Variants in PCNX2 observed in about 807,000 individuals in gnomAD.
PCNX2 encodes the protein pecanex 2.
A neutral mutation model predicts 223.8 loss-of-function variants in PCNX2; 168 were observed. The ratio of observed to expected loss-of-function variants is 0.75; its 90% confidence interval spans 0.66 to 0.85. The LOEUF is 0.85. Ranked by LOEUF, PCNX2 falls within the 40% of genes least tolerant of loss-of-function variation. The probability of loss-of-function intolerance (pLI) is 0.00; values close to 1 mark genes in which losing one functional copy is unlikely to be tolerated. For synonymous variants in PCNX2, 1,006 were observed against 1,052.6 expected (o/e 0.96, Z 0.86); for missense variants, 2,507 against 2,675.5 (o/e 0.94, Z 1.39).
chr1:233,192,782 G>A (rs1277881427), intron 15 of PCNX2, among the ~76,000 whole-genome samples: 2 of 151,580 alleles, frequency 1.3e-5, no homozygotes, highest in Non-Finnish European at 2.9e-5. Flanking sequence ...TGTAAAATTA[G>A]GATAATAGTA....
chr1:233,148,389 G>A (rs1313869312), intron 19 of PCNX2, among the ~76,000 whole-genome samples: 2 of 151,724 alleles, frequency 1.3e-5, no homozygotes, highest in South Asian at 2.1e-4. Flanking sequence ...TTCCATTAAC[G>A]CTGCATATTG....
In PCNX2 at chr1:233,183,797, G is replaced by A. The variant is rs558249128; in HGVS notation, c.3067-4622C>T. ...GAGCTGCTCACAGAGCACACGAGGGGCTACACAGCAGGAAGCAGAAGCTCA... is the reference window on the plus strand; with the variant it reads ...GAGCTGCTCACAGAGCACACGAGGGACTACACAGCAGGAAGCAGAAGCTCA... On this transcript the variant is annotated intron_variant, in intron 15 of 33. Transcript: ENST00000258229. Among the ~76,000 whole-genome samples the A allele has an allele frequency of 1.4e-3, 218 of 152,236 alleles. 1 individual carries two copies. Among genetic ancestry groups the A allele is most frequent in the Middle Eastern group, 0.01 (3 of 294 alleles).
the PCNX2 span, among the ~76,000 whole-genome samples, chr1:233,322,312 A>G: frequency 6.6e-6 from 1 of 152,162 alleles, no homozygotes; most frequent in African/African-American, 2.4e-5. Flanking sequence ...GAAAGAGCAG[A>G]TGTGGTTACA....
At chr1:233,268,200 C>A (rs1409823160) in intron 1 of PCNX2, among the ~76,000 whole-genome samples, 1 of 152,230 alleles carries the variant, frequency 6.6e-6, no homozygotes, top group Non-Finnish European at 1.5e-5. Flanking sequence ...GCTTGAGCCA[C>A]CGCGCCTGGT....
chr1:233,080,483 A>G (rs920899418), intron 23 of PCNX2, among the ~76,000 whole-genome samples: 5 of 151,892 alleles, frequency 3.3e-5, no homozygotes, highest in African/African-American at 1.2e-4. Context: ...AATACCATAA[A>G]CCAGGTGGCT....
At chr1:233,238,126 A>G (rs1362405547) in intron 8 of PCNX2, among the ~76,000 whole-genome samples, 1 of 152,200 alleles carries the variant, frequency 6.6e-6, no homozygotes, top group African/African-American at 2.4e-5. Flanking sequence ...CCTTGAACAG[A>G]TCATACCTTT....
At chr1:233,321,652 T>A in the PCNX2 span, among the ~76,000 whole-genome samples, 1 of 152,208 alleles carries the variant, frequency 6.6e-6, no homozygotes. Flanking sequence ...ATGCTTTATA[T>A]GCATTTCTCA....
intron 21 of PCNX2, among the ~76,000 whole-genome samples, chr1:233,105,910 CA>C (rs1285977279): frequency 6.6e-6 from 1 of 152,150 alleles, no homozygotes; most frequent in Non-Finnish European, 1.5e-5. Context: ...GCACAAAACT[CA>C]AAGGTCTCCT....
intron 17 of PCNX2, among the ~76,000 whole-genome samples, chr1:233,161,969 TATATATTTATATATAC>T (rs1258448871): frequency 8.1e-5 from 12 of 148,078 alleles, no homozygotes; most frequent in East Asian, 1.9e-4. Flanking sequence ...TTTATATATA[TATATATTTATATATAC>T]ATATATTTAT....
At chr1:233,175,362 G>A (rs1395636194) in intron 17 of PCNX2, among the ~76,000 whole-genome samples, 1 of 152,148 alleles carries the variant, frequency 6.6e-6, no homozygotes, top group Non-Finnish European at 1.5e-5. Flanking sequence ...AACCAAGGGA[G>A]GCAACACCTA....
At chr1:233,231,537 A>T in intron 9 of PCNX2, 1 of 733,936 alleles carries the variant, frequency 1.4e-6, no homozygotes, top group Non-Finnish European at 1.7e-6. Flanking sequence ...AGATGGTTTT[A>T]AATTATTGGC....
chr1:233,219,745 C>G (rs969839653), intron 10 of PCNX2, among the ~76,000 whole-genome samples: 1 of 152,146 alleles, frequency 6.6e-6, no homozygotes, highest in Non-Finnish European at 1.5e-5. Flanking sequence ...CAGCCTCCCC[C>G]ACCATCAACA....
rs578029192 is a variant in PCNX2 at position 232,989,504 on chromosome 1, A to G, written c.5792-2964T>C. On this transcript the variant is annotated intron_variant, in intron 32 of 33. Transcript: ENST00000258229. ...TGCTACTTGGCTAAGGGTCTCTGTC[A>G]TGCCCTTCCCAGAGAGGCAGGTCCT... 2.0e-4 allele frequency among the ~76,000 whole-genome samples: 30 copies of G among 151,598 alleles called. 1 individual carries two copies. Among genetic ancestry groups the G allele is most frequent in the Non-Finnish European group, 4.4e-4 (30 of 67,946 alleles).
chr1:233,320,545 T>C, the PCNX2 span, among the ~76,000 whole-genome samples: 1 of 152,184 alleles, frequency 6.6e-6, no homozygotes, highest in East Asian at 1.9e-4. Context: ...ACTAATCTTT[T>C]CTAAGGCAGA....
At chr1:233,054,687 A>G in intron 24 of PCNX2, 1 of 533,150 alleles carries the variant, frequency 1.9e-6, no homozygotes. Context: ...TGTGTAATTT[A>G]TAGGCCATAA....
chr1:233,252,622 T>G lies in PCNX2; in HGVS notation c.1982+19A>C. Reference sequence around the variant, plus strand: ...TGCTTTATGACCAAGTGAAACTAAATTAAGTAACTTATCCTTACAAGGCTG... The same window carrying G: ...TGCTTTATGACCAAGTGAAACTAAAGTAAGTAACTTATCCTTACAAGGCTG... On this transcript the variant is annotated intron_variant, in intron 6 of 33. Transcript: ENST00000258229. 1.9e-6 allele frequency: 3 copies of G among 1,602,904 alleles called. No homozygotes were observed. The South Asian group carries it at 3.4e-5, about 18-fold the overall frequency.
intron 22 of PCNX2, chr1:233,095,517 G>A: frequency 1.9e-6 from 1 of 524,346 alleles, no homozygotes; most frequent in Non-Finnish European, 3.4e-6. Flanking sequence ...GAAATGGAAG[G>A]ACCAGAAAAA....
chr1:233,225,109 G>GTA (rs1657622092), intron 10 of PCNX2, among the ~76,000 whole-genome samples: 1 of 59,020 alleles, frequency 1.7e-5, no homozygotes, highest in African/African-American at 1.0e-4. Context: ...CAGAACTAAA[G>GTA]TAAAAAAAAA....
At chr1:233,288,420 T>C (rs1051715861) in intron 1 of PCNX2, among the ~76,000 whole-genome samples, 8 of 152,056 alleles carry the variant, frequency 5.3e-5, no homozygotes, top group South Asian at 2.1e-4. Flanking sequence ...GTTTAACTAC[T>C]AGAAAATTTG....
Sources: gnomAD v4.1 joint callset for allele counts (sites outside exome capture counted in the v4.1 genomes callset) on GRCh38, gnomAD v4.1.1 for gene constraint, MANE v1.5 for transcripts, NCBI Gene and HGNC (gene_info 2026-07-23, HGNC 2026-07-21) for gene names.